The following KCNAB1 variants were observed in gnomAD, a reference collection of about 807,000 sequenced individuals.
KCNAB1 encodes potassium voltage-gated channel subfamily A regulatory beta subunit 1, also known as voltage-gated potassium channel subunit beta-1.
Under a neutral mutation model 64.6 loss-of-function variants are expected in KCNAB1, and 35 were observed. The ratio of observed to expected loss-of-function variants is 0.54; its 90% confidence interval spans 0.41 to 0.72. KCNAB1 has a LOEUF of 0.72. Ranked by LOEUF, KCNAB1 falls within the 30% of genes least tolerant of loss-of-function variation. The pLI is 0.00. For synonymous variants in KCNAB1, 177 were observed against 183.8 expected, an observed-to-expected ratio of 0.96 and a Z score of 0.30; for missense variants, 401 against 512.9, an observed-to-expected ratio of 0.78 and a Z score of 2.11.
intron 1 of KCNAB1, among the ~76,000 whole-genome samples, chr3:156,383,198 A>C (rs1712306794): frequency 6.6e-6 from 1 of 152,214 alleles, no homozygotes; most frequent in African/African-American, 2.4e-5. Context: ...GCAGCTATAT[A>C]GTTGGGAGCA....
At chr3:156,390,693 C>T (rs2108167972) in intron 1 of KCNAB1, among the ~76,000 whole-genome samples, 1 of 152,254 alleles carries the variant, frequency 6.6e-6, no homozygotes, top group East Asian at 1.9e-4. Flanking sequence ...CGCCATTCTC[C>T]TGCCTCAGCC....
At chr3:156,484,407 C>T (rs866223351) in intron 8 of KCNAB1, among the ~76,000 whole-genome samples, 1 of 152,082 alleles carries the variant, frequency 6.6e-6, no homozygotes, top group Non-Finnish European at 1.5e-5. Context: ...TGCTTCTGCT[C>T]ACCCCAGCTG....
intron 1 of KCNAB1, among the ~76,000 whole-genome samples, chr3:156,199,027 C>T (rs923745219): frequency 7.5e-5 from 11 of 147,200 alleles, no homozygotes; most frequent in African/African-American, 2.8e-4. Flanking sequence ...TGGCAATATC[C>T]CTCAGCATTT....
At chr3:156,380,392 C>T (rs1712060592) in intron 1 of KCNAB1, among the ~76,000 whole-genome samples, 1 of 152,216 alleles carries the variant, frequency 6.6e-6, no homozygotes, top group South Asian at 2.1e-4. Context: ...GTGTACTGAG[C>T]ATTTATTTCG....
intron 1 of KCNAB1, among the ~76,000 whole-genome samples, chr3:156,267,538 T>C (rs1460569809): frequency 6.6e-6 from 1 of 152,198 alleles, no homozygotes; most frequent in African/African-American, 2.4e-5. Context: ...TCCAAGATGA[T>C]TTATGTACAT....
intron 1 of KCNAB1, among the ~76,000 whole-genome samples, chr3:156,328,792 T>C (rs1723146696): frequency 6.6e-6 from 1 of 152,158 alleles, no homozygotes; most frequent in South Asian, 2.1e-4. Flanking sequence ...CAGGGAGAAA[T>C]TGATCTATAA....
chr3:156,364,108 T>C (rs1355941091), intron 1 of KCNAB1, among the ~76,000 whole-genome samples: 3 of 152,140 alleles, frequency 2.0e-5, no homozygotes, highest in Non-Finnish European at 4.4e-5. Flanking sequence ...ACTGCCAGGG[T>C]AGGGTGGCAT....
chr3:156,210,135 T>A (rs1423677250), intron 1 of KCNAB1, among the ~76,000 whole-genome samples: 1 of 152,160 alleles, frequency 6.6e-6, no homozygotes, highest in Non-Finnish European at 1.5e-5. Flanking sequence ...AAGCACAGGC[T>A]GAGACTGTCG....
chr3:156,138,953 A>C (rs546097779), intron 1 of KCNAB1, among the ~76,000 whole-genome samples: 1 of 152,296 alleles, frequency 6.6e-6, no homozygotes, highest in Admixed American at 6.5e-5. Flanking sequence ...CACCTGTCTC[A>C]TCACATGGCC....
chr3:156,472,172 A>T (rs1380320079), intron 7 of KCNAB1, among the ~76,000 whole-genome samples: 2 of 152,106 alleles, frequency 1.3e-5, no homozygotes, highest in African/African-American at 4.8e-5. Flanking sequence ...TCAGGCCAAA[A>T]ATCTAGGAGT....
chr3:156,196,450 G>A (rs12516273), intron 1 of KCNAB1, among the ~76,000 whole-genome samples: 14 of 152,128 alleles, frequency 9.2e-5, no homozygotes, highest in Non-Finnish European at 5.9e-5. Flanking sequence ...AGCATGGAAT[G>A]TTTTTCCATT....
In KCNAB1 at chr3:156,385,731, T is replaced by C. The variant is rs552992163; in HGVS notation, c.276-35885T>C. Among the ~76,000 whole-genome samples the C allele has an allele frequency of 2.0e-5, 3 of 152,362 alleles. No individual in the cohort carries two copies. In the East Asian group the frequency reaches 5.8e-4, roughly 29 times the overall value. On this transcript the variant is annotated intron_variant, in intron 1 of 13. Coordinates refer to ENST00000490337, the MANE Select transcript of KCNAB1 (RefSeq NM_172160.3). ...ACATTCTTGACATTTTTCTGAATGT[T>C]AGACTCTTTCAGAAGTTTATTCATT...
intron 1 of KCNAB1, chr3:156,273,621 C>G (rs13093003): frequency 0.15 from 69,545 of 456,194 alleles, 5,874 homozygotes; most frequent in Non-Finnish European, 0.17. Context: ...GGCAATTCAC[C>G]GCTGTCTTTC....
chr3:156,124,587 A>C (rs1713541201), intron 1 of KCNAB1, among the ~76,000 whole-genome samples: 3 of 152,192 alleles, frequency 2.0e-5, no homozygotes, highest in South Asian at 2.1e-4. Flanking sequence ...ACATATACAC[A>C]TATACAGAGA....
chr3:156,428,922 A>G (rs1388888896), intron 2 of KCNAB1, among the ~76,000 whole-genome samples: 3 of 152,224 alleles, frequency 2.0e-5, no homozygotes, highest in Non-Finnish European at 4.4e-5. Context: ...ACTGATTCCA[A>G]GGAAATGTTC....
chr3:156,430,048 CCTA>C (rs1398865978), intron 2 of KCNAB1, among the ~76,000 whole-genome samples: 1 of 152,150 alleles, frequency 6.6e-6, no homozygotes, highest in African/African-American at 2.4e-5. Context: ...TTCCTAGTTT[CCTA>C]CTTTTATGGA....
intron 1 of KCNAB1, among the ~76,000 whole-genome samples, chr3:156,239,708 C>T (rs940511562): frequency 1.2e-4 from 19 of 152,106 alleles, no homozygotes; most frequent in African/African-American, 4.1e-4. Flanking sequence ...TTATTCCATT[C>T]GACGTATTTA....
intron 1 of KCNAB1, among the ~76,000 whole-genome samples, chr3:156,182,077 G>A (rs1396254253): frequency 6.6e-6 from 1 of 152,084 alleles, no homozygotes; most frequent in Non-Finnish European, 1.5e-5. Context: ...TTTATCATGA[G>A]CAACTTTAAT....
chr3:156,325,864 C>A (rs1478202074), intron 1 of KCNAB1, among the ~76,000 whole-genome samples: 1 of 152,094 alleles, frequency 6.6e-6, no homozygotes, highest in Non-Finnish European at 1.5e-5. Flanking sequence ...ATTTATTTAA[C>A]CTAATTAGGT....
Sources: gnomAD v4.1 joint callset for allele counts (sites outside exome capture counted in the v4.1 genomes callset) on GRCh38, gnomAD v4.1.1 for gene constraint, MANE v1.5 for transcripts, NCBI Gene and HGNC (gene_info 2026-07-23, HGNC 2026-07-21) for gene names.